Variants in C3orf52 observed in about 807,000 individuals in gnomAD.
C3orf52 encodes the protein chromosome 3 open reading frame 52.
Under a neutral mutation model 24.8 loss-of-function variants are expected in C3orf52, and 22 were observed. The observed-to-expected ratio is 0.89, with a 90% CI of 0.63 to 1.27. The LOEUF is 1.27. Ranked by LOEUF, C3orf52 falls within the 50% of genes most tolerant of loss-of-function variation. The pLI, the probability that C3orf52 is intolerant of heterozygous loss-of-function variation, is 0.00. For missense variants in C3orf52, 265 were observed against 260.7 expected (o/e 1.02, Z -0.11); for synonymous variants, 93 against 100.2 (o/e 0.93, Z 0.43).
downstream of C3orf52, among the ~76,000 whole-genome samples, chr3:112,118,757 G>T (rs183553840): frequency 3.7e-3 from 562 of 152,274 alleles, 3 homozygotes; most frequent in African/African-American, 0.013. Flanking sequence ...CATAATGCCT[G>T]GTACATAGTG....
chr3:112,094,847 C>G (rs1012378607), intron 2 of C3orf52, among the ~76,000 whole-genome samples: 1 of 152,090 alleles, frequency 6.6e-6, no homozygotes, highest in Admixed American at 6.5e-5. Flanking sequence ...GGGATACTCC[C>G]GAGCATGATC....
chr3:112,128,307 T>A (rs1220150994), exon 5 of C3orf52: 2 of 654,264 alleles, frequency 3.1e-6, no homozygotes, highest in Non-Finnish European at 5.6e-6. Flanking sequence ...GAAAAATGTT[T>A]CCTCACTCTC....
At chr3:112,126,854 T>C (rs1327957893) in intron 4 of C3orf52, 20 of 700,374 alleles carry the variant, frequency 2.9e-5, no homozygotes, top group Non-Finnish European at 4.1e-5. Flanking sequence ...GACATGCAAT[T>C]GGATACAGTA....
chr3:112,107,080 A>C (rs549501390), intron 3 of C3orf52, among the ~76,000 whole-genome samples: 14 of 152,200 alleles, frequency 9.2e-5, no homozygotes, highest in Non-Finnish European at 1.9e-4. Context: ...GCATGATCAA[A>C]AAGAATCTTC....
At chr3:112,126,936 G>A (rs767077406) in intron 4 of C3orf52, 2 of 1,196,092 alleles carry the variant, frequency 1.7e-6, no homozygotes, top group South Asian at 2.5e-5. Flanking sequence ...GAAGTAGTTT[G>A]GAAATGTAAG....
At chr3:112,099,241 A>G (rs868503184) in intron 2 of C3orf52, among the ~76,000 whole-genome samples, 2 of 152,162 alleles carry the variant, frequency 1.3e-5, no homozygotes, top group Non-Finnish European at 2.9e-5. Context: ...GCCCAGTCTC[A>G]GGTAGTTCTT....
At chr3:112,114,965 A>C (rs1283626344) in intron 5 of C3orf52, among the ~76,000 whole-genome samples, 1 of 152,190 alleles carries the variant, frequency 6.6e-6, no homozygotes, top group Non-Finnish European at 1.5e-5. Flanking sequence ...GGCTCCCAGA[A>C]GACCCTGAGC....
intron 4 of C3orf52, chr3:112,126,917 C>T (rs1214950254): frequency 1.9e-6 from 2 of 1,056,458 alleles, no homozygotes; most frequent in African/African-American, 3.2e-5. Flanking sequence ...GCTTTGGGAA[C>T]ATAGAGAAGA....
intron 1 of C3orf52, among the ~76,000 whole-genome samples, chr3:112,090,209 G>A (rs111226408): frequency 1.3e-5 from 2 of 151,728 alleles, no homozygotes; most frequent in African/African-American, 4.8e-5. Flanking sequence ...TAATTCCTCA[G>A]CTGATTCTAA....
At chr3:112,132,907 A>G (rs1489080427), downstream of C3orf52, 1 of 587,840 alleles carries the variant, frequency 1.7e-6, no homozygotes, top group Non-Finnish European at 2.8e-6. Flanking sequence ...GGAGAAGGCA[A>G]AACCTATGGG....
At chr3:112,103,328 T>C (rs1468854086) in intron 3 of C3orf52, among the ~76,000 whole-genome samples, 1 of 152,160 alleles carries the variant, frequency 6.6e-6, no homozygotes, top group Non-Finnish European at 1.5e-5. Context: ...CGAGTTTACC[T>C]ATAGAAGAAA....
Position 112,113,015 on chromosome 3 carries a change from T to C in C3orf52, c.519T>C (p.Asp173=), listed in dbSNP as rs1187934820. 1 of 1,608,846 alleles carries C rather than the reference T, an allele frequency of 6.2e-7. No individual in the cohort carries two copies. Among genetic ancestry groups the C allele is most frequent in the Non-Finnish European group, 8.5e-7 (1 of 1,177,562 alleles). The part of the protein sequence containing the change: ...TYDLQFGVPS[D]DENFMKYMMS... ...ACCTGCAATTTGGGGTTCCATCAGA[T>C]GATGAAAATTTTATGAAGTATATGA... is the stretch of plus-strand genomic sequence containing the variant. Residue 173 remains aspartate (D), a synonymous_variant, in exon 5 of 6, where the codon GAT becomes GAC. Coordinates refer to ENST00000264848, the MANE Select transcript of C3orf52 (RefSeq NM_024616.3).
At chr3:112,125,459 TGA>T (rs954796985) in intron 4 of C3orf52, among the ~76,000 whole-genome samples, 2 of 151,904 alleles carry the variant, frequency 1.3e-5, no homozygotes, top group African/African-American at 4.8e-5. Flanking sequence ...GCCTGAGAGG[TGA>T]GAGGGGGGAG....
intron 3 of C3orf52, among the ~76,000 whole-genome samples, chr3:112,108,355 C>CT (rs2074047176): frequency 6.6e-6 from 1 of 152,068 alleles, no homozygotes; most frequent in Admixed American, 6.6e-5. Context: ...ACACTAAGTG[C>CT]TGGTAAGGAT....
intron 2 of C3orf52, among the ~76,000 whole-genome samples, chr3:112,100,975 T>C (rs939878656): frequency 2.0e-5 from 3 of 152,226 alleles, no homozygotes; most frequent in African/African-American, 7.2e-5. Context: ...AAAAACCCTC[T>C]TGATTGCAAG....
intron 4 of C3orf52, among the ~76,000 whole-genome samples, chr3:112,110,926 A>G (rs543983382): frequency 4.2e-4 from 64 of 152,112 alleles, no homozygotes; most frequent in African/African-American, 6.3e-4. Flanking sequence ...AAGACCCCCA[A>G]TGGGCTGGGC....
chr3:112,112,885 A>G (rs1420443246), intron 4 of C3orf52, 79 bp from the exon 5 acceptor site: 3 of 1,256,208 alleles, frequency 2.4e-6, no homozygotes, highest in Non-Finnish European at 3.4e-6. Flanking sequence ...CTAAAAAAAA[A>G]AAAAGTTATT....
chr3:112,102,243 C>T (rs574905480), intron 2 of C3orf52, among the ~76,000 whole-genome samples: 1 of 152,262 alleles, frequency 6.6e-6, no homozygotes, highest in Admixed American at 6.5e-5. Flanking sequence ...TGGTCTTTGC[C>T]AGCACAGAAT....
intron 4 of C3orf52, 31 bp from the exon 5 acceptor site, chr3:112,112,933 T>A: frequency 6.4e-7 from 1 of 1,574,132 alleles, no homozygotes. Context: ...ATGATGCTGT[T>A]TATGTTTTAA....
Sources: gnomAD v4.1 joint callset for allele counts (sites outside exome capture counted in the v4.1 genomes callset) on GRCh38, gnomAD v4.1.1 for gene constraint, MANE v1.5 for transcripts, NCBI Gene and HGNC (gene_info 2026-07-23, HGNC 2026-07-21) for gene names.